Variants in PCBP3 observed in about 807,000 individuals in gnomAD.
The protein encoded by PCBP3 is poly(rC)-binding protein 3.
PCBP3 carries 25 observed loss-of-function variants against 52.7 expected under a neutral mutation model. That is an observed-to-expected ratio of 0.47 (90% CI 0.35 to 0.66). PCBP3 has a LOEUF of 0.66. Ranked by LOEUF, PCBP3 falls within the 30% of genes least tolerant of loss-of-function variation. PCBP3 has a pLI of 0.01. For missense variants in PCBP3, 391 were observed against 490.3 expected (o/e 0.80, Z 1.91); for synonymous variants, 162 against 183.0 (o/e 0.89, Z 0.93).
chr21:45,693,175 T>C (rs2082581219), intron 2 of PCBP3, among the ~76,000 whole-genome samples: 1 of 152,082 alleles, frequency 6.6e-6, no homozygotes, highest in African/African-American at 2.4e-5. Context: ...TACAGCTAAC[T>C]TCATACTCAA....
chr21:45,677,604 A>G (rs1311666683), intron 2 of PCBP3, among the ~76,000 whole-genome samples: 1 of 152,228 alleles, frequency 6.6e-6, no homozygotes, highest in Non-Finnish European at 1.5e-5. Context: ...CATGCCATCT[A>G]GGACACCCAT....
At chr21:45,745,957 A>G (rs1261774529) in intron 3 of PCBP3, among the ~76,000 whole-genome samples, 1 of 150,316 alleles carries the variant, frequency 6.7e-6, no homozygotes, top group Non-Finnish European at 1.5e-5. Flanking sequence ...GTGTTGTGTC[A>G]GCATCGCTGT....
intron 16 of PCBP3, among the ~76,000 whole-genome samples, chr21:45,937,626 T>C (rs2077015882): frequency 6.6e-6 from 1 of 152,128 alleles, no homozygotes; most frequent in Non-Finnish European, 1.5e-5. Flanking sequence ...TCGTTCTTCT[T>C]TGAATTTGCA....
chr21:45,763,395 G>C (rs1340325792), intron 4 of PCBP3: 1 of 152,488 alleles, frequency 6.6e-6, no homozygotes, highest in South Asian at 2.1e-4. Context: ...CTCAGCTGTA[G>C]GGCTCAGGGT....
chr21:45,821,565 G>T lies in PCBP3; in HGVS notation c.-125-28396G>T, dbSNP rs187975076. ...CTGCCTGCACCCTGCTGTGGGCCCC[G>T]CCCCCTCCCCTAACTCATTTCTAGA... On this transcript the variant is annotated intron_variant, in intron 4 of 17. Transcript: ENST00000681687. This position sits in a 1 kb window ranked among gnomAD's most constrained non-coding sequence, Gnocchi z 4.4. 1.8e-3 allele frequency among the ~76,000 whole-genome samples: 260 copies of T among 146,922 alleles called. 1 individual carries two copies. Among genetic ancestry groups the T allele is most frequent in the African/African-American group, 6.3e-3 (249 of 39,500 alleles).
chr21:45,941,781 C>A lies in PCBP3; in HGVS notation c.*75C>A. On this transcript the variant is annotated 3_prime_UTR_variant, in exon 18 of 18. Coordinates refer to ENST00000681687, the MANE Select transcript of PCBP3 (RefSeq NM_001384156.1). ...CCCCCGGCTCTCGCACTCTGTACAG[C>A]CCACCTTCCCTGCCTCACAGATACC... 2 of 1,176,474 alleles carry A rather than the reference C, an allele frequency of 1.7e-6. No homozygotes were observed. Among genetic ancestry groups the A allele is most frequent in the Non-Finnish European group, 2.4e-6 (2 of 825,774 alleles). 72.9% of individuals were successfully genotyped at this position (1,176,474 alleles called of 1,614,324 possible). A position where few individuals can be genotyped will look rare whatever the true frequency, so the allele number is the denominator to read the frequency against.
At chr21:45,734,005 A>G (rs1467814316) in intron 2 of PCBP3, among the ~76,000 whole-genome samples, 1 of 152,254 alleles carries the variant, frequency 6.6e-6, no homozygotes, top group African/African-American at 2.4e-5. Context: ...TTTTGGACGG[A>G]TGAAAGACAT....
At chr21:45,663,809 G>A (rs2080579695) in intron 1 of PCBP3, among the ~76,000 whole-genome samples, 1 of 152,082 alleles carries the variant, frequency 6.6e-6, no homozygotes, top group South Asian at 2.1e-4. Context: ...CAGGTAATGT[G>A]ATGCCTCTAG....
chr21:45,759,625 A>G (rs926495565), intron 4 of PCBP3, among the ~76,000 whole-genome samples: 4 of 152,222 alleles, frequency 2.6e-5, no homozygotes, highest in Admixed American at 2.0e-4. Flanking sequence ...AAACTATTCA[A>G]GAGAAGATTT....
intron 7 of PCBP3, among the ~76,000 whole-genome samples, chr21:45,899,903 G>A (rs1156595446): frequency 6.6e-6 from 1 of 152,154 alleles, no homozygotes; most frequent in Non-Finnish European, 1.5e-5. Context: ...TTCTTTCCCG[G>A]TTGAAGACCC....
intron 2 of PCBP3, chr21:45,673,740 A>G (rs1417834478): frequency 2.0e-5 from 3 of 152,134 alleles, no homozygotes; most frequent in Non-Finnish European, 4.4e-5. Context: ...CGGAAGGTAA[A>G]TGATTTATTT....
Position 45,800,847 on chromosome 21 carries a change from G to C in PCBP3, c.-126+45395G>C, listed in dbSNP as rs2092272046. On this transcript the variant is annotated intron_variant, in intron 4 of 17. Transcript: ENST00000681687. The surrounding 1 kb of genome is among the most constrained non-coding windows in gnomAD (Gnocchi z 5.3). ...AGCCCTGCATCCTCCTGGGAGATGG[G>C]GTGTTTGAGCATGGGGTTCCCGCCT... 6.7e-6 allele frequency among the ~76,000 whole-genome samples: 1 copy of C among 148,632 alleles called. No homozygotes were observed. Among genetic ancestry groups the C allele is most frequent in the Non-Finnish European group, 1.5e-5 (1 of 68,012 alleles).
chr21:45,772,620 G>GT (rs1397585026), intron 4 of PCBP3, among the ~76,000 whole-genome samples: 4 of 151,920 alleles, frequency 2.6e-5, no homozygotes, highest in African/African-American at 4.8e-5. Flanking sequence ...TTTATTTTTA[G>GT]TTTTTTTGAA....
Position 45,755,411 on chromosome 21 carries a change from T to G in PCBP3, c.-161-6T>G, listed in dbSNP as rs1005119868. Among the ~76,000 whole-genome samples, 3 of 152,234 alleles carry G rather than the reference T, an allele frequency of 2.0e-5. No individual in the cohort carries two copies. The highest frequency in any genetic ancestry group is 7.2e-5 in the African/African-American group (3 of 41,464). On this transcript the variant is annotated splice_region_variant and splice_polypyrimidine_tract_variant and intron_variant, in intron 3 of 17. Coordinates refer to ENST00000681687, the MANE Select transcript of PCBP3 (RefSeq NM_001384156.1). The stretch of plus-strand genomic sequence containing the variant: ...TTATGTGGATGTATGTTTTCATTTT[T>G]CATAGGTAAATACCTAGGAGTGGGC...
In PCBP3 at chr21:45,908,016, T is replaced by G. The variant is rs539639721; in HGVS notation, c.340-1339T>G. 1.4e-3 allele frequency among the ~76,000 whole-genome samples: 209 copies of G among 152,324 alleles called. 1 individual carries two copies. The highest frequency in any genetic ancestry group is 2.1e-3 in the Non-Finnish European group (140 of 68,034). On this transcript the variant is annotated intron_variant, in intron 9 of 17. Coordinates refer to ENST00000681687, the MANE Select transcript of PCBP3 (RefSeq NM_001384156.1). Reference sequence around the variant, plus strand: ...TAAATGAGAAGTTCATTTGAAGGCCTCTTCATACCAATCAAAAAATGCTGC... The same window carrying G: ...TAAATGAGAAGTTCATTTGAAGGCCGCTTCATACCAATCAAAAAATGCTGC...
Position 45,737,978 on chromosome 21 carries a change from G to C in PCBP3, c.-162+2549G>C, listed in dbSNP as rs1008754044. ...AGGACTCTTCCCCCTTCCTGAGAGA[G>C]AGCGATGAATGTAGGCCTCCATGGA... On this transcript the variant is annotated intron_variant, in intron 3 of 17. Coordinates refer to ENST00000681687, the MANE Select transcript of PCBP3 (RefSeq NM_001384156.1). This position sits in a 1 kb window ranked among gnomAD's most constrained non-coding sequence, Gnocchi z 4.9. Among the ~76,000 whole-genome samples, 7 of 152,180 alleles carry C rather than the reference G, an allele frequency of 4.6e-5. No individual in the cohort carries two copies. The highest frequency in any genetic ancestry group is 1.7e-4 in the African/African-American group (7 of 41,454).
chr21:45,871,187 C>CCAGGAGAGA (rs2094994832), intron 5 of PCBP3: 1 of 174,632 alleles, frequency 5.7e-6, no homozygotes, highest in Admixed American at 6.5e-5. Context: ...AGCCCAGTGC[C>CCAGGAGAGA]TGGGAGAGAC....
At chr21:45,883,680 C>T (rs930626426) in intron 5 of PCBP3, among the ~76,000 whole-genome samples, 4 of 152,022 alleles carry the variant, frequency 2.6e-5, no homozygotes, top group East Asian at 1.9e-4. Context: ...CTATTTTTTC[C>T]GATATTAATA....
At chr21:45,884,192 G>A (rs1443761246) in intron 5 of PCBP3, among the ~76,000 whole-genome samples, 2 of 151,792 alleles carry the variant, frequency 1.3e-5, no homozygotes, top group Admixed American at 6.6e-5. Flanking sequence ...CACCTTGACC[G>A]CCCAAAGTGC....
Sources: gnomAD v4.1 joint callset for allele counts (sites outside exome capture counted in the v4.1 genomes callset) on GRCh38, gnomAD v4.1.1 for gene constraint, Gnocchi (gnomAD v3.1) non-coding constraint, MANE v1.5 for transcripts, NCBI Gene and HGNC (gene_info 2026-07-23, HGNC 2026-07-21) for gene names.